SCRG1: variants seen among roughly 807,000 people sequenced by gnomAD.
SCRG1 encodes stimulator of chondrogenesis 1.
A neutral mutation model predicts 7.7 loss-of-function variants in SCRG1; 3 were observed. The ratio of observed to expected loss-of-function variants is 0.39; its 90% CI spans 0.18 to 1.01. The LOEUF (loss-of-function observed/expected upper bound fraction) is 1.01, where lower values mean the gene tolerates loss of function less well. Ranked by LOEUF, SCRG1 falls within the 50% of genes least tolerant of loss-of-function variation. The probability of loss-of-function intolerance (pLI) is 0.36; values close to 1 mark genes in which losing one functional copy is unlikely to be tolerated. For synonymous variants in SCRG1, 46 were observed against 41.2 expected, an observed-to-expected ratio of 1.12 and a Z score of -0.44; for missense variants, 110 against 117.2, an observed-to-expected ratio of 0.94 and a Z score of 0.28.
At chr4:173,433,357 C>T in the SCRG1 span, among the ~76,000 whole-genome samples, 1 of 152,184 alleles carries the variant, frequency 6.6e-6, no homozygotes, top group Non-Finnish European at 1.5e-5. Flanking sequence ...ATAGTTCTCC[C>T]AAACTTATTT....
chr4:173,509,657 G>C, the SCRG1 span, among the ~76,000 whole-genome samples: 1 of 152,126 alleles, frequency 6.6e-6, no homozygotes, highest in African/African-American at 2.4e-5. This position sits in a 1 kb window ranked among gnomAD's most constrained non-coding sequence, Gnocchi z 5.7. Context: ...CCCGCTCCTG[G>C]GCCGCGCGGC....
chr4:173,417,252 A>G, the SCRG1 span, among the ~76,000 whole-genome samples: 4 of 152,214 alleles, frequency 2.6e-5, no homozygotes, highest in African/African-American at 7.2e-5. Flanking sequence ...ACAAGCATCT[A>G]CAGGCATGTT....
At chr4:173,390,635 G>A (rs1739405404) in intron 2 of SCRG1, among the ~76,000 whole-genome samples, 2 of 151,998 alleles carry the variant, frequency 1.3e-5, no homozygotes, top group South Asian at 4.1e-4. Context: ...ACCACGCCCA[G>A]CTAATTTTGT....
chr4:173,448,192 C>A, the SCRG1 span, among the ~76,000 whole-genome samples: 1 of 152,218 alleles, frequency 6.6e-6, no homozygotes, highest in Non-Finnish European at 1.5e-5. Flanking sequence ...AATAATGCAA[C>A]TTCTTTTCAT....
At chr4:173,447,768 TAAAGTAC>T in the SCRG1 span, among the ~76,000 whole-genome samples, 18 of 152,206 alleles carry the variant, frequency 1.2e-4, no homozygotes, top group Non-Finnish European at 2.4e-4. Flanking sequence ...GAAGCACATA[TAAAGTAC>T]TTCTGCTGTG....
At chr4:173,433,879 C>G in the SCRG1 span, among the ~76,000 whole-genome samples, 1 of 152,188 alleles carries the variant, frequency 6.6e-6, no homozygotes, top group Admixed American at 6.5e-5. Context: ...GACATGGGTC[C>G]CTACTCTATG....
the SCRG1 span, among the ~76,000 whole-genome samples, chr4:173,438,282 A>ATT: frequency 4.9e-4 from 72 of 147,774 alleles, no homozygotes; most frequent in East Asian, 1.4e-3. Flanking sequence ...TGCCCAGCTA[A>ATT]TTTTTTTTTT....
At chr4:173,512,152 G>A in the SCRG1 span, among the ~76,000 whole-genome samples, 1 of 152,208 alleles carries the variant, frequency 6.6e-6, no homozygotes, top group African/African-American at 2.4e-5. Flanking sequence ...CAGGGATGCA[G>A]GGGGCAGAGG....
the SCRG1 span, among the ~76,000 whole-genome samples, chr4:173,421,516 G>A: frequency 5.1e-4 from 78 of 152,210 alleles, no homozygotes; most frequent in African/African-American, 1.8e-3. Context: ...AATAGAATGT[G>A]GTCCCTGTCA....
At chr4:173,449,435 CTTTTTTTTT>C in the SCRG1 span, among the ~76,000 whole-genome samples, 10 of 115,932 alleles carry the variant, frequency 8.6e-5, no homozygotes, top group Admixed American at 3.8e-4. Context: ...CATGATAAAT[CTTTTTTTTT>C]TTTTTTTTTT....
chr4:173,459,762 G>C, the SCRG1 span, among the ~76,000 whole-genome samples: 1 of 152,184 alleles, frequency 6.6e-6, no homozygotes, highest in Admixed American at 6.5e-5. Context: ...AAGGGGGTTA[G>C]GAGGTTGTAA....
the SCRG1 span, among the ~76,000 whole-genome samples, chr4:173,450,520 G>A: frequency 2.0e-5 from 3 of 152,076 alleles, no homozygotes; most frequent in South Asian, 6.2e-4. Flanking sequence ...GGCAGCATTG[G>A]GATCTCATGC....
the SCRG1 span, among the ~76,000 whole-genome samples, chr4:173,449,297 C>A: frequency 1.3e-5 from 2 of 152,084 alleles, no homozygotes; most frequent in African/African-American, 2.4e-5. Context: ...TTCAAAGGAC[C>A]CTGAGATTTG....
the SCRG1 span, among the ~76,000 whole-genome samples, chr4:173,490,605 A>G: frequency 6.6e-6 from 1 of 152,318 alleles, no homozygotes; most frequent in East Asian, 1.9e-4. Context: ...GGAAAGTGCT[A>G]ATGGTTAGGA....
At chr4:173,417,600 C>CTCCTTCCTTCCT in the SCRG1 span, among the ~76,000 whole-genome samples, 4 of 151,632 alleles carry the variant, frequency 2.6e-5, no homozygotes, top group African/African-American at 7.3e-5. Context: ...CCCTCCCTCC[C>CTCCTTCCTTCCT]TCCTTCCTTC....
chr4:173,507,370 C>T, the SCRG1 span, among the ~76,000 whole-genome samples: 2 of 152,090 alleles, frequency 1.3e-5, no homozygotes, highest in Admixed American at 1.3e-4. This position sits in a 1 kb window ranked among gnomAD's most constrained non-coding sequence, Gnocchi z 4.4. Context: ...CCACCACGCC[C>T]GGCTAATTTT....
the SCRG1 span, among the ~76,000 whole-genome samples, chr4:173,484,498 ATATAT>A: frequency 1.3e-5 from 1 of 76,278 alleles, no homozygotes; most frequent in Non-Finnish European, 2.3e-5. Context: ...TACATATAAT[ATATAT>A]TATATATTAT....
At chr4:173,491,173 A>G in the SCRG1 span, among the ~76,000 whole-genome samples, 3 of 151,102 alleles carry the variant, frequency 2.0e-5, no homozygotes, top group Non-Finnish European at 4.4e-5. Flanking sequence ...TAACTATTTC[A>G]CAGAAATAAG....
chr4:173,396,489 A>G (rs1347542397), intron 1 of SCRG1, among the ~76,000 whole-genome samples: 4 of 152,196 alleles, frequency 2.6e-5, no homozygotes, highest in Non-Finnish European at 5.9e-5. Context: ...CTTCTTTTGT[A>G]TTGAAGCAGA....
Sources: gnomAD v4.1 joint callset for allele counts (sites outside exome capture counted in the v4.1 genomes callset) on GRCh38, gnomAD v4.1.1 for gene constraint, Gnocchi (gnomAD v3.1) non-coding constraint, MANE v1.5 for transcripts, NCBI Gene and HGNC (gene_info 2026-07-23, HGNC 2026-07-21) for gene names.